PPP1R1C: variants seen among roughly 807,000 people sequenced by gnomAD.
The protein encoded by PPP1R1C is protein phosphatase 1 regulatory subunit 1C.
In PPP1R1C, 15 loss-of-function variants were observed where a neutral mutation model predicts 17.4. That is an observed-to-expected ratio of 0.86 (90% CI 0.58 to 1.33). The LOEUF is 1.33. Among genes scored for constraint, PPP1R1C ranks in the 40% most tolerant of loss-of-function variants. The pLI is 0.00. For missense variants in PPP1R1C, 143 were observed against 130.0 expected (o/e 1.10, Z -0.48); for synonymous variants, 35 against 43.1 (o/e 0.81, Z 0.73).
chr2:181,985,849 G>A, upstream of PPP1R1C: 1 of 517,274 alleles, frequency 1.9e-6, no homozygotes, highest in Non-Finnish European at 3.5e-6. The surrounding 1 kb of genome is among the most constrained non-coding windows in gnomAD (Gnocchi z 4.1). Context: ...CACACAATTA[G>A]CGTATTGTTC....
chr2:182,039,372 GGTT>G (rs140171908), intron 2 of PPP1R1C, among the ~76,000 whole-genome samples: 2,239 of 151,922 alleles, frequency 0.015, 61 homozygotes, highest in African/African-American at 0.051. Flanking sequence ...GTGGGTTTTG[GGTT>G]GTTGTTGTTG....
intron 2 of PPP1R1C, among the ~76,000 whole-genome samples, chr2:181,995,744 T>C (rs577596586): frequency 1.3e-5 from 2 of 151,708 alleles, no homozygotes; most frequent in Admixed American, 1.3e-4. Context: ...ACTTCTAAAT[T>C]TCTTCCTTTT....
intron 4 of PPP1R1C, among the ~76,000 whole-genome samples, chr2:182,096,810 T>C (rs961313600): frequency 2.0e-5 from 3 of 152,182 alleles, no homozygotes; most frequent in African/African-American, 7.2e-5. Flanking sequence ...AAGTAGCTCC[T>C]TCTGTCAAAA....
At chr2:182,119,240 A>C (rs1205741522), downstream of PPP1R1C, among the ~76,000 whole-genome samples, 2 of 151,922 alleles carry the variant, frequency 1.3e-5, no homozygotes, top group South Asian at 2.1e-4. Flanking sequence ...TGAACTCATC[A>C]TTTTTTATGG....
intron 5 of PPP1R1C, among the ~76,000 whole-genome samples, chr2:182,125,265 G>C (rs1294184924): frequency 6.6e-6 from 1 of 152,142 alleles, no homozygotes; most frequent in Non-Finnish European, 1.5e-5. Context: ...AATCACAGTA[G>C]ATAAGCTTTT....
intron 2 of PPP1R1C, among the ~76,000 whole-genome samples, chr2:182,033,109 C>G (rs919433665): frequency 2.0e-5 from 3 of 152,148 alleles, no homozygotes; most frequent in African/African-American, 7.2e-5. Context: ...CTTGATCCCT[C>G]TCTACTACTT....
chr2:182,081,597 A>G (rs754382785), intron 4 of PPP1R1C, among the ~76,000 whole-genome samples: 6 of 152,224 alleles, frequency 3.9e-5, no homozygotes, highest in Non-Finnish European at 7.3e-5. Flanking sequence ...AAATGAGAGA[A>G]ACTTAATTCT....
chr2:182,129,555 T>C (rs1474101768), exon 6 of PPP1R1C: 1 of 152,094 alleles, frequency 6.6e-6, no homozygotes, highest in East Asian at 1.9e-4. Flanking sequence ...CTAGTAAAGA[T>C]TTATTCAATT....
intron 2 of PPP1R1C, among the ~76,000 whole-genome samples, chr2:181,994,531 G>A (rs531698082): frequency 3.3e-5 from 5 of 152,048 alleles, no homozygotes; most frequent in African/African-American, 4.8e-5. Flanking sequence ...TCTTTTTCAC[G>A]AATTTCTCTT....
chr2:182,094,178 G>A (rs1368826907), intron 4 of PPP1R1C, among the ~76,000 whole-genome samples: 3 of 152,158 alleles, frequency 2.0e-5, no homozygotes, highest in Non-Finnish European at 4.4e-5. Context: ...CACATCTTAT[G>A]TGGATGGTGG....
chr2:182,092,772 C>T (rs949238777), intron 4 of PPP1R1C, among the ~76,000 whole-genome samples: 2 of 152,204 alleles, frequency 1.3e-5, no homozygotes, highest in Non-Finnish European at 1.5e-5. Context: ...CTCCATGTCT[C>T]ACATCTAGGT....
intron 2 of PPP1R1C, among the ~76,000 whole-genome samples, chr2:181,988,939 C>T (rs1420961160): frequency 6.6e-6 from 1 of 151,936 alleles, no homozygotes; most frequent in African/African-American, 2.4e-5. Context: ...CTTTAGGGTG[C>T]CATTGCATTT....
chr2:181,982,483 T>C (rs914526518), upstream of PPP1R1C, among the ~76,000 whole-genome samples: 1 of 152,156 alleles, frequency 6.6e-6, no homozygotes, highest in East Asian at 1.9e-4. Context: ...AGGATGGGAT[T>C]TGCAGTCTAG....
At chr2:182,094,412 A>T (rs561734252) in intron 4 of PPP1R1C, among the ~76,000 whole-genome samples, 1 of 152,366 alleles carries the variant, frequency 6.6e-6, no homozygotes, top group East Asian at 1.9e-4. Flanking sequence ...ACTGAAAGTT[A>T]AACATTCAGT....
At chr2:182,004,194 AT>A (rs1319239400) in intron 2 of PPP1R1C, among the ~76,000 whole-genome samples, 6 of 152,138 alleles carry the variant, frequency 3.9e-5, no homozygotes, top group Admixed American at 6.6e-5. Context: ...CAGACATCTC[AT>A]TTGCTCTAAG....
chr2:181,981,022 G>A (rs548157202), upstream of PPP1R1C, among the ~76,000 whole-genome samples: 4 of 144,696 alleles, frequency 2.8e-5, no homozygotes, highest in African/African-American at 7.7e-5. Context: ...TCCGCCTCCC[G>A]GGTTCACGCC....
At chr2:181,966,308 A>G (rs1296337059) in intron 1 of PPP1R1C, among the ~76,000 whole-genome samples, 1 of 152,024 alleles carries the variant, frequency 6.6e-6, no homozygotes, top group Non-Finnish European at 1.5e-5. Flanking sequence ...TCTTTTTCTT[A>G]TCTGATTTTT....
At chr2:181,989,707 A>C (rs996947407) in intron 2 of PPP1R1C, among the ~76,000 whole-genome samples, 1 of 152,052 alleles carries the variant, frequency 6.6e-6, no homozygotes, top group Non-Finnish European at 1.5e-5. Context: ...CCTTTTCTCT[A>C]ATTGACCTCA....
At chr2:182,049,070 C>T (rs568081221) in intron 2 of PPP1R1C, among the ~76,000 whole-genome samples, 25 of 152,110 alleles carry the variant, frequency 1.6e-4, no homozygotes, top group Non-Finnish European at 2.2e-4. Flanking sequence ...TGGAGGCTCA[C>T]GCCTGTAATC....
Sources: allele counts gnomAD v4.1 joint callset (sites outside exome capture counted in the v4.1 genomes callset), GRCh38; gene constraint gnomAD v4.1.1; non-coding constraint Gnocchi (gnomAD v3.1); transcripts MANE v1.5; gene names NCBI Gene and HGNC (gene_info 2026-07-23, HGNC 2026-07-21).